The following MAF variants were observed in gnomAD, a reference collection of about 807,000 sequenced individuals.
MAF encodes the protein MAF bZIP transcription factor.
A neutral mutation model predicts 22.0 loss-of-function variants in MAF; 10 were observed. That is an observed-to-expected ratio of 0.45 (90% CI 0.28 to 0.77). The LOEUF is 0.77. MAF is among the 30% of genes least tolerant of loss of function. The pLI, the probability that MAF is intolerant of heterozygous loss-of-function variation, is 0.12. For synonymous variants in MAF, 337 were observed against 255.8 expected, an observed-to-expected ratio of 1.32 and a Z score of -3.03; for missense variants, 544 against 548.4, an observed-to-expected ratio of 0.99 and a Z score of 0.08.
the MAF span, among the ~76,000 whole-genome samples, chr16:79,298,173 A>T: frequency 6.6e-6 from 1 of 152,246 alleles, no homozygotes; most frequent in Non-Finnish European, 1.5e-5. Flanking sequence ...CTGTGTTTGC[A>T]TAACATTCCA....
At chr16:79,373,359 C>CTTTTTTTTTTTTTTTTTTTTTTTTTTTT in the MAF span, among the ~76,000 whole-genome samples, 1 of 33,300 alleles carries the variant, frequency 3.0e-5, no homozygotes, top group Non-Finnish European at 6.2e-5. Flanking sequence ...GGACTGGTAG[C>CTTTTTTTTTTTTTTTTTTTTTTTTTTTT]TTTTTTTTTT....
the MAF span, among the ~76,000 whole-genome samples, chr16:79,385,992 C>T: frequency 7.2e-4 from 110 of 152,290 alleles, 1 homozygote; most frequent in African/African-American, 2.6e-3. Flanking sequence ...CTTTCTTAGG[C>T]TCTGAGGGTT....
At chr16:79,506,815 C>T in the MAF span, among the ~76,000 whole-genome samples, 23 of 152,002 alleles carry the variant, frequency 1.5e-4, no homozygotes, top group Admixed American at 7.2e-4. Flanking sequence ...GGAGTAGACT[C>T]AAGATGGGGC....
the MAF span, among the ~76,000 whole-genome samples, chr16:79,402,916 G>A: frequency 3.3e-5 from 5 of 152,302 alleles, no homozygotes; most frequent in South Asian, 1.0e-3. Flanking sequence ...GAATGGGGTT[G>A]AGCTGGGCAC....
the MAF span, among the ~76,000 whole-genome samples, chr16:79,358,075 G>A: frequency 2.0e-5 from 3 of 152,242 alleles, no homozygotes; most frequent in Non-Finnish European, 4.4e-5. Context: ...AGAACTCAAA[G>A]CAGCTGTTCC....
In MAF at chr16:79,599,386, C is replaced by A. The variant is rs1913843729; in HGVS notation, c.517G>T (p.Ala173Ser). 5 of 1,020,882 alleles carry A rather than the reference C, an allele frequency of 4.9e-6. No individual in the cohort carries two copies. Among genetic ancestry groups the A allele is most frequent in the South Asian group, 4.4e-5 (1 of 22,506 alleles). 63.2% of individuals were successfully genotyped at this position (1,020,882 alleles called of 1,614,324 possible). A position where few individuals can be genotyped will look rare whatever the true frequency, so the allele number is the denominator to read the frequency against. ...VVSAVIAAAAAQSGAGPHYHH... is the reference protein window; with the variant it reads ...VVSAVIAAAASQSGAGPHYHH... ...TAGTGCGGGCCCGCGCCGCTCTGCG[C>A]GGCGGCCGCGGCGATCACGGCGGAC... Residue 173 changes from alanine to serine, a missense_variant, in exon 1 of 2, where the codon GCG becomes TCG. By Grantham distance (99) the Ala-to-Ser change is moderately conservative. This residue lies in a region of MAF where 342 missense variants were observed against 315.5 expected (regional missense o/e 1.08). Transcript: ENST00000326043.
At chr16:79,446,615 T>C in the MAF span, among the ~76,000 whole-genome samples, 324 of 152,272 alleles carry the variant, frequency 2.1e-3, 1 homozygote, top group Non-Finnish European at 4.0e-3. Context: ...CTCTGAATGC[T>C]ACATTTAAGA....
At chr16:79,582,091 GA>G (rs1912555789), downstream of MAF, among the ~76,000 whole-genome samples, 1 of 152,106 alleles carries the variant, frequency 6.6e-6, no homozygotes, top group South Asian at 2.1e-4. Flanking sequence ...AATAGAGACC[GA>G]AAACAAACCC....
the MAF span, among the ~76,000 whole-genome samples, chr16:79,468,525 A>T: frequency 6.6e-6 from 1 of 152,176 alleles, no homozygotes; most frequent in South Asian, 2.1e-4. Flanking sequence ...TCAGTGAACG[A>T]CTGCACCTGC....
the MAF span, among the ~76,000 whole-genome samples, chr16:79,310,218 G>C: frequency 2.0e-5 from 3 of 152,132 alleles, no homozygotes; most frequent in Non-Finnish European, 2.9e-5. Context: ...GTGCACGCAC[G>C]GGAGCGCAAA....
the MAF span, among the ~76,000 whole-genome samples, chr16:79,283,680 C>G: frequency 6.6e-6 from 1 of 152,186 alleles, no homozygotes; most frequent in East Asian, 1.9e-4. Flanking sequence ...TAACCAATTG[C>G]TCAGCAATCA....
the MAF span, among the ~76,000 whole-genome samples, chr16:79,428,204 C>T: frequency 6.6e-6 from 1 of 151,260 alleles, no homozygotes; most frequent in Non-Finnish European, 1.5e-5. Context: ...TGTCTTTCAG[C>T]TACCCTCACC....
chr16:79,319,202 T>C, the MAF span, among the ~76,000 whole-genome samples: 1 of 152,202 alleles, frequency 6.6e-6, no homozygotes, highest in African/African-American at 2.4e-5. Flanking sequence ...GGAGGTCCCC[T>C]TCTAATTCTT....
chr16:79,507,665 T>A, the MAF span, among the ~76,000 whole-genome samples: 2 of 152,092 alleles, frequency 1.3e-5, no homozygotes, highest in Non-Finnish European at 2.9e-5. Flanking sequence ...GACCTCGTGA[T>A]CCATCCGCCT....
the MAF span, among the ~76,000 whole-genome samples, chr16:79,461,051 G>C: frequency 6.6e-6 from 1 of 152,302 alleles, no homozygotes; most frequent in African/African-American, 2.4e-5. Flanking sequence ...ACATGTATTT[G>C]TGAACTTTTT....
At chr16:79,527,545 G>C in the MAF span, among the ~76,000 whole-genome samples, 1 of 152,048 alleles carries the variant, frequency 6.6e-6, no homozygotes, top group Non-Finnish European at 1.5e-5. Context: ...AGATCTGGGG[G>C]CCTTCCATTC....
chr16:79,591,356 G>A (rs1913180740), downstream of MAF, among the ~76,000 whole-genome samples: 1 of 152,138 alleles, frequency 6.6e-6, no homozygotes, highest in South Asian at 2.1e-4. Context: ...AAGCTCAGCA[G>A]ACACGACTCC....
chr16:79,592,804 AG>A (rs1913262401), downstream of MAF, among the ~76,000 whole-genome samples: 1 of 152,278 alleles, frequency 6.6e-6, no homozygotes, highest in South Asian at 2.1e-4. Context: ...ACAAAATAAA[AG>A]AACTAAGACA....
chr16:79,416,499 C>CAAAA, the MAF span, among the ~76,000 whole-genome samples: 747 of 140,018 alleles, frequency 5.3e-3, 8 homozygotes, highest in African/African-American at 0.018. Flanking sequence ...GGTTAAATTG[C>CAAAA]AAAAAAAAAA....
Sources: gnomAD v4.1 joint callset for allele counts (sites outside exome capture counted in the v4.1 genomes callset) on GRCh38, gnomAD v4.1.1 for gene constraint, gnomAD v4.1.1 regional missense constraint, MANE v1.5 for transcripts, NCBI Gene and HGNC (gene_info 2026-07-23, HGNC 2026-07-21) for gene names.